Variants in TC2N observed in about 807,000 individuals in gnomAD.
TC2N encodes the protein tandem C2 domains nuclear protein.
Under a neutral mutation model 61.9 loss-of-function variants are expected in TC2N, and 51 were observed. The ratio of observed to expected loss-of-function variants is 0.82; its 90% CI spans 0.66 to 1.04. The LOEUF (loss-of-function observed/expected upper bound fraction) is 1.04. Among genes scored for constraint, TC2N ranks in the 50% least tolerant of loss-of-function variants. TC2N has a pLI of 0.00. For missense variants in TC2N, 556 were observed against 566.7 expected, an observed-to-expected ratio of 0.98 and a Z score of 0.19; for synonymous variants, 204 against 192.6, an observed-to-expected ratio of 1.06 and a Z score of -0.49.
chr14:91,849,479 T>G (rs915722363), intron 1 of TC2N, among the ~76,000 whole-genome samples: 7 of 152,242 alleles, frequency 4.6e-5, no homozygotes, highest in Non-Finnish European at 7.3e-5. Context: ...GATTTCTTGG[T>G]TGCATTCTTG....
rs56816512 is a variant in TC2N, at chr14:91,862,339, C to CAAAAAAAAAA, written c.-57+4913_-57+4922dup. Among the ~76,000 whole-genome samples the CAAAAAAAAAA allele has an allele frequency of 2.1e-3, 226 of 106,436 alleles. 2 individuals are homozygous for CAAAAAAAAAA. The highest frequency in any genetic ancestry group is 7.0e-3 in the African/African-American group (208 of 29,786). 69.8% of individuals were successfully genotyped at this position (106,436 alleles called of 152,430 possible). On this transcript the variant is annotated intron_variant, in intron 1 of 11. Transcript: ENST00000435962. ...TGGGTGACAGAGTAAGACTCTGTCT[C>CAAAAAAAAAA]AAAAAAAAAAAAAAAAAAAGAAAGA...
intron 9 of TC2N, among the ~76,000 whole-genome samples, chr14:91,791,882 C>A (rs915992267): frequency 2.6e-5 from 4 of 151,982 alleles, no homozygotes; most frequent in African/African-American, 9.7e-5. Flanking sequence ...TTTGGGAGAC[C>A]GAGGCGGGCA....
chr14:91,854,941 T>C (rs557333746), intron 1 of TC2N, among the ~76,000 whole-genome samples: 1 of 152,194 alleles, frequency 6.6e-6, no homozygotes, highest in Admixed American at 6.5e-5. Context: ...GAGGCTGCTA[T>C]TCCTTGCAAC....
intron 1 of TC2N, among the ~76,000 whole-genome samples, chr14:91,827,667 A>ATT (rs1887560568): frequency 6.6e-6 from 1 of 152,238 alleles, no homozygotes; most frequent in African/African-American, 2.4e-5. Context: ...ATGTGAGGTA[A>ATT]CATTCACAGG....
At chr14:91,814,354 G>C (rs1222554896) in intron 1 of TC2N, among the ~76,000 whole-genome samples, 2 of 142,084 alleles carry the variant, frequency 1.4e-5, no homozygotes, top group Non-Finnish European at 3.0e-5. Context: ...AAAAGGGAAA[G>C]GTCAAAAAAA....
intron 1 of TC2N, among the ~76,000 whole-genome samples, chr14:91,861,841 G>A (rs1888594284): frequency 6.6e-6 from 1 of 152,164 alleles, no homozygotes; most frequent in Non-Finnish European, 1.5e-5. Flanking sequence ...CTGGAAGGTG[G>A]AAGTTGCAGT....
chr14:91,830,151 T>G (rs1160118861), intron 1 of TC2N, among the ~76,000 whole-genome samples: 3 of 152,298 alleles, frequency 2.0e-5, no homozygotes, highest in Admixed American at 2.0e-4. Flanking sequence ...CTCAAACACT[T>G]CACACAGAGC....
intron 2 of TC2N, 105 bp from the exon 3 acceptor site, chr14:91,812,650 C>G (rs951783341): frequency 5.5e-5 from 33 of 602,012 alleles, no homozygotes; most frequent in Non-Finnish European, 9.0e-5. Context: ...AGAAGAAATT[C>G]CTGACACATA....
chr14:91,832,522 C>G (rs1887825578), intron 1 of TC2N, among the ~76,000 whole-genome samples: 1 of 151,706 alleles, frequency 6.6e-6, no homozygotes, highest in South Asian at 2.1e-4. Flanking sequence ...TAAATTAAAC[C>G]CCCAATGGGA....
In TC2N at chr14:91,780,018, T is replaced by C. The variant is rs1885017295; in HGVS notation, c.*3082A>G. ...CTTCATATGGGCCCACTTTTCATAA[T>C]TCTTTCAACTCAATGTTTTAGCCAA... On this transcript the variant is annotated 3_prime_UTR_variant, in exon 12 of 12. Transcript: ENST00000435962. 6.6e-6 allele frequency: 1 copy of C among 152,196 alleles called. No homozygotes were observed. The highest frequency in any genetic ancestry group is 6.5e-5 in the Admixed American group (1 of 15,284). 9.4% of individuals were successfully genotyped at this position (152,196 alleles called of 1,614,324 possible).
chr14:91,802,134 T>C (rs1886280257), intron 4 of TC2N, 120 bp downstream of exon 4: 2 of 840,998 alleles, frequency 2.4e-6, no homozygotes, highest in African/African-American at 3.6e-5. Context: ...TTATGAAGCT[T>C]GTTTTCTTAT....
chr14:91,850,062 A>AG (rs1017031631), intron 1 of TC2N, among the ~76,000 whole-genome samples: 3 of 151,860 alleles, frequency 2.0e-5, no homozygotes, highest in African/African-American at 7.3e-5. Context: ...AAAAAAAAAA[A>AG]AAAAGATTGG....
At chr14:91,785,052 T>G in intron 11 of TC2N, 110 bp downstream of exon 11, 1 of 639,998 alleles carries the variant, frequency 1.6e-6, no homozygotes. Context: ...TGATTTATGA[T>G]GCTGAAGAAC....
chr14:91,855,881 C>T (rs1888473814), intron 1 of TC2N, among the ~76,000 whole-genome samples: 1 of 152,120 alleles, frequency 6.6e-6, no homozygotes, highest in Non-Finnish European at 1.5e-5. Flanking sequence ...AATAAAAGCT[C>T]CCTCCACTTC....
At chr14:91,829,140 T>A (rs1236118493) in intron 1 of TC2N, among the ~76,000 whole-genome samples, 1 of 152,088 alleles carries the variant, frequency 6.6e-6, no homozygotes, top group African/African-American at 2.4e-5. Flanking sequence ...CACTGTGATG[T>A]TTCTAAGTAT....
intron 4 of TC2N, among the ~76,000 whole-genome samples, chr14:91,801,974 C>T (rs1466686858): frequency 1.3e-5 from 2 of 152,030 alleles, no homozygotes; most frequent in Non-Finnish European, 2.9e-5. Context: ...ACTATAGTCT[C>T]CATGTTGTAT....
At chr14:91,814,809 A>T (rs1886939470) in intron 1 of TC2N, among the ~76,000 whole-genome samples, 1 of 151,634 alleles carries the variant, frequency 6.6e-6, no homozygotes, top group Non-Finnish European at 1.5e-5. Flanking sequence ...GCTAATGAAG[A>T]TCTGCAGTAC....
chr14:91,820,948 A>C (rs949057868), intron 1 of TC2N, among the ~76,000 whole-genome samples: 6 of 152,104 alleles, frequency 3.9e-5, no homozygotes, highest in Non-Finnish European at 8.8e-5. Context: ...AAAGATATTA[A>C]AGAAGAGCTC....
rs1443913807 is a variant in TC2N at position 91,780,000 on chromosome 14, T to C, written c.*3100A>G. ...TTCAAAATGAACATGGTACTTCATA[T>C]GGGCCCACTTTTCATAATTCTTTCA... On this transcript the variant is annotated 3_prime_UTR_variant, in exon 12 of 12. Transcript: ENST00000435962. 6.6e-6 allele frequency: 1 copy of C among 152,172 alleles called. No homozygotes were observed. Among genetic ancestry groups the C allele is most frequent in the African/African-American group, 2.4e-5 (1 of 41,440 alleles). The allele number at this position is 152,172 out of a possible 1,614,324, so 9.4% of individuals were successfully genotyped here.
Sources: allele counts gnomAD v4.1 joint callset (sites outside exome capture counted in the v4.1 genomes callset), GRCh38; gene constraint gnomAD v4.1.1; transcripts MANE v1.5; gene names NCBI Gene and HGNC (gene_info 2026-07-23, HGNC 2026-07-21).